Variants in DPEP1 observed in about 807,000 individuals in gnomAD.
The protein encoded by DPEP1 is beta-lactamase.
A neutral mutation model predicts 42.3 loss-of-function variants in DPEP1; 50 were observed. That is an observed-to-expected ratio of 1.18 (90% confidence interval 0.94 to 1.50). DPEP1 has a LOEUF of 1.50. Ranked by LOEUF, DPEP1 falls within the 40% of genes most tolerant of loss-of-function variation. The pLI, the probability that DPEP1 is intolerant of heterozygous loss-of-function variation, is 0.00. For missense variants in DPEP1, 663 were observed against 553.0 expected (o/e 1.20, Z -1.99); for synonymous variants, 297 against 234.0 (o/e 1.27, Z -2.46).
Position 89,636,552 on chromosome 16 carries a change from G to A in DPEP1, c.390G>A (p.Arg130=). The part of the protein sequence containing the change: ...TSSAGIRQAF[R]EGKVASLIGV... ...CCGCAGGCATTCGGCAGGCCTTCCG[G>A]GAAGGGAAGGTGGCCAGCCTGATCG... Residue 130 remains arginine, a synonymous_variant, in exon 5 of 11, where the codon CGG becomes CGA. Transcript: ENST00000690203. 6.2e-7 allele frequency: 1 copy of A among 1,612,506 alleles called. No homozygotes were observed. Among genetic ancestry groups the A allele is most frequent in the Non-Finnish European group, 8.5e-7 (1 of 1,179,924 alleles).
intron 1 of DPEP1, among the ~76,000 whole-genome samples, chr16:89,620,044 A>T (rs1276385623): frequency 6.7e-6 from 1 of 149,262 alleles, no homozygotes; most frequent in African/African-American, 2.5e-5. Context: ...CCGCAACCTC[A>T]GAATTCCAAA....
intron 1 of DPEP1, among the ~76,000 whole-genome samples, chr16:89,628,346 C>G (rs563749023): frequency 1.3e-5 from 2 of 150,720 alleles, no homozygotes; most frequent in African/African-American, 4.9e-5. Flanking sequence ...CATCCTCCAC[C>G]TCCCGGATTC....
chr16:89,614,543 C>T (rs2059362641), intron 1 of DPEP1, among the ~76,000 whole-genome samples: 1 of 152,190 alleles, frequency 6.6e-6, no homozygotes, highest in South Asian at 2.1e-4. Flanking sequence ...GCCTGTAATC[C>T]CCACACTGTG....
At position 89,637,237 on chromosome 16, in the gene DPEP1, C is replaced by G; in HGVS notation, c.625C>G (p.Leu209Val). The G allele has an allele frequency of 3.7e-6, 6 of 1,612,698 alleles. No homozygotes were observed. The highest frequency in any genetic ancestry group is 5.1e-6 in the Non-Finnish European group (6 of 1,179,940). ...VVKELNRLGV[L>V]IDLAHVSVAT... ...GAAGGAGCTGAACCGTCTGGGGGTCCTCATCGACTTGGCTCACGTGTCTGT... is the reference window on the plus strand; with the variant it reads ...GAAGGAGCTGAACCGTCTGGGGGTCGTCATCGACTTGGCTCACGTGTCTGT... The change falls in exon 7 of 11, where the codon CTC becomes GTC. Residue 209 changes from leucine to valine, a missense_variant. Physicochemically the swap from Leu to Val is conservative, Grantham distance 32. Transcript: ENST00000690203.
At position 89,637,188 on chromosome 16, in the gene DPEP1, A is replaced by G. The variant is rs1190048561; in HGVS notation, c.592-16A>G. On this transcript the variant is annotated splice_polypyrimidine_tract_variant and intron_variant, in intron 6 of 10. Transcript: ENST00000690203. ...CCCTGGGGGCTGTGAGGGTGGACGGAGCCCTGTCTTCCCAGCGTGTGGTGA... is the reference window on the plus strand; with the variant it reads ...CCCTGGGGGCTGTGAGGGTGGACGGGGCCCTGTCTTCCCAGCGTGTGGTGA... The G allele has an allele frequency of 6.2e-7, 1 of 1,608,730 alleles. No homozygotes were observed. The highest frequency in any genetic ancestry group is 8.5e-7 in the Non-Finnish European group (1 of 1,177,498).
At chr16:89,636,964 C>G in intron 6 of DPEP1, 29 bp downstream of exon 6, 1 of 1,610,536 alleles carries the variant, frequency 6.2e-7, no homozygotes, top group Non-Finnish European at 8.5e-7. Flanking sequence ...GCCAGTCACC[C>G]CCGAGGAGAA....
chr16:89,617,744 CCGGGCGCAGT>C (rs2059395589), intron 1 of DPEP1, among the ~76,000 whole-genome samples: 2 of 101,210 alleles, frequency 2.0e-5, no homozygotes, highest in African/African-American at 3.6e-5. Flanking sequence ...CTTTGGGAGG[CCGGGCGCAGT>C]GGCTCACACC....
Position 89,636,942 on chromosome 16 carries a change from G to C in DPEP1, c.591+7G>C. ...CTTGTCACCCTTTGGGCAGGTGAGT[G>C]GGGTGGGAGCGGCCAGTCACCCCCG... On this transcript the variant is annotated splice_region_variant and intron_variant, in intron 6 of 10. Transcript: ENST00000690203. The C allele has an allele frequency of 6.2e-7, 1 of 1,612,084 alleles. No homozygotes were observed. The highest frequency in any genetic ancestry group is 1.7e-5 in the Admixed American group (1 of 59,998).
chr16:89,616,372 C>T (rs2059379194), intron 1 of DPEP1, among the ~76,000 whole-genome samples: 1 of 152,110 alleles, frequency 6.6e-6, no homozygotes. Flanking sequence ...GCCCAGCCAG[C>T]TGTGAGAGGA....
chr16:89,625,313 A>G (rs538055173), intron 1 of DPEP1, among the ~76,000 whole-genome samples: 2 of 152,280 alleles, frequency 1.3e-5, no homozygotes, highest in Non-Finnish European at 2.9e-5. Flanking sequence ...CATCACGTGC[A>G]GAGAGGGAGG....
At chr16:89,640,552 G>A, downstream of DPEP1, 1 of 985,274 alleles carries the variant, frequency 1.0e-6, no homozygotes, top group Non-Finnish European at 1.2e-6. Context: ...TGATCTTCCA[G>A]GATGCACTTA....
At chr16:89,641,397 T>C (rs966957649), downstream of DPEP1, among the ~76,000 whole-genome samples, 3 of 152,190 alleles carry the variant, frequency 2.0e-5, no homozygotes, top group African/African-American at 7.2e-5. Flanking sequence ...TGTCCGGGCG[T>C]AACGGGGGCT....
At chr16:89,632,199 G>A (rs577854298) in intron 2 of DPEP1, among the ~76,000 whole-genome samples, 5 of 152,206 alleles carry the variant, frequency 3.3e-5, no homozygotes, top group East Asian at 1.9e-4. Flanking sequence ...ACAGGCGCCC[G>A]CCACCAAGCC....
At chr16:89,639,499 C>CTGCACACACCCTCATCCT (rs2059728339), downstream of DPEP1, among the ~76,000 whole-genome samples, 1 of 129,882 alleles carries the variant, frequency 7.7e-6, no homozygotes, top group Non-Finnish European at 1.6e-5. Context: ...CATCCCACCC[C>CTGCACACACCCTCATCCT]TGCACACACC....
chr16:89,634,489 A>C lies in DPEP1; in HGVS notation c.105-1419A>C, dbSNP rs117683412. ...GACCCTCTGGGATCCTCACTCAGCC[A>C]CCAGCTCTGACAGCCCCAGCTCCCC... On this transcript the variant is annotated intron_variant, in intron 2 of 10. Transcript: ENST00000690203. Among the ~76,000 whole-genome samples the C allele has an allele frequency of 0.011, 1,675 of 148,876 alleles. 293 individuals carry two copies. The East Asian group carries it at 0.38, about 34-fold the overall frequency.
downstream of DPEP1, chr16:89,640,701 G>C (rs2059736981): frequency 1.1e-6 from 1 of 929,784 alleles, no homozygotes; most frequent in Admixed American, 6.2e-5. Context: ...GTCCCTGGTG[G>C]GCTGCAAGGG....
At chr16:89,625,753 G>A (rs951521939) in intron 1 of DPEP1, among the ~76,000 whole-genome samples, 5 of 152,212 alleles carry the variant, frequency 3.3e-5, no homozygotes, top group East Asian at 1.9e-4. Flanking sequence ...ACCTTGATCC[G>A]AGGGTGATCT....
chr16:89,623,290 TA>T (rs34805151), intron 1 of DPEP1, among the ~76,000 whole-genome samples: 323 of 141,898 alleles, frequency 2.3e-3, no homozygotes, highest in Middle Eastern at 3.6e-3. Context: ...CCCCATCTCG[TA>T]AAAAAAAAAA....
chr16:89,624,745 G>A (rs891787881), intron 1 of DPEP1, among the ~76,000 whole-genome samples: 3 of 152,078 alleles, frequency 2.0e-5, no homozygotes, highest in African/African-American at 7.2e-5. Context: ...TTGTTGGCCA[G>A]GCTGGTCTTG....
Sources: allele counts gnomAD v4.1 joint callset (sites outside exome capture counted in the v4.1 genomes callset), GRCh38; gene constraint gnomAD v4.1.1; transcripts MANE v1.5; gene names NCBI Gene and HGNC (gene_info 2026-07-23, HGNC 2026-07-21).